Variants in ZNF367 observed in about 807,000 individuals in gnomAD.
ZNF367 encodes the protein zinc finger protein 367, also known as C2H2 zinc finger protein ZFF29.
A neutral mutation model predicts 31.8 loss-of-function variants in ZNF367; 11 were observed. The ratio of observed to expected loss-of-function variants is 0.35; its 90% CI spans 0.22 to 0.57. The LOEUF (loss-of-function observed/expected upper bound fraction) is 0.57, where lower values mean the gene tolerates loss of function less well. ZNF367 is among the 20% of genes least tolerant of loss of function. The pLI is 0.85. For synonymous variants in ZNF367, 199 were observed against 202.4 expected, an observed-to-expected ratio of 0.98 and a Z score of 0.14; for missense variants, 353 against 484.1, an observed-to-expected ratio of 0.73 and a Z score of 2.54.
At chr9:96,416,043 C>T (rs1831823351) in intron 1 of ZNF367, among the ~76,000 whole-genome samples, 1 of 151,238 alleles carries the variant, frequency 6.6e-6, no homozygotes, top group East Asian at 2.0e-4. Context: ...GGATCACAGG[C>T]ATGAGCCACC....
chr9:96,390,384 A>AT (rs1831458400), intron 4 of ZNF367, among the ~76,000 whole-genome samples: 1 of 152,224 alleles, frequency 6.6e-6, no homozygotes, highest in Non-Finnish European at 1.5e-5. Context: ...ATGGCAAAAG[A>AT]TAAGTTCAGC....
chr9:96,401,130 G>T (rs1207123375), intron 1 of ZNF367, among the ~76,000 whole-genome samples: 2 of 152,316 alleles, frequency 1.3e-5, no homozygotes, highest in South Asian at 4.1e-4. Flanking sequence ...GGAGGCTGAG[G>T]AAGGAGGATC....
chr9:96,396,602 A>C (rs1273015229), intron 2 of ZNF367, among the ~76,000 whole-genome samples: 1 of 152,196 alleles, frequency 6.6e-6, no homozygotes, highest in Non-Finnish European at 1.5e-5. Context: ...AGTACTGCCC[A>C]ATGAAAGACA....
intron 1 of ZNF367, among the ~76,000 whole-genome samples, chr9:96,410,574 A>AC (rs1407300333): frequency 6.1e-5 from 9 of 146,856 alleles, no homozygotes; most frequent in East Asian, 6.0e-4. Flanking sequence ...AAAAAAAAAA[A>AC]AAAAACAAAA....
rs1416499041 is a variant in ZNF367, at chr9:96,417,662, CCCGAGGCGGCGGCGGAGG to C, written c.353_370del (p.Ala118_Ser123del). On this transcript the variant is annotated inframe_deletion, in exon 1 of 5. Transcript: ENST00000375256. This position sits in a 1 kb window ranked among gnomAD's most constrained non-coding sequence, Gnocchi z 5.0. ...GCTCGCTTCCTCCTCGTCCTCACCT[CCCGAGGCGGCGGCGGAGG>C]CCGAGGCGGCGGGCGGGGGCGCGCC... is the stretch of plus-strand genomic sequence containing the variant. The C allele has an allele frequency of 2.0e-5, 20 of 1,012,542 alleles. No homozygotes were observed. Among genetic ancestry groups the C allele is most frequent in the South Asian group, 9.8e-5 (2 of 20,454 alleles). The allele number at this position is 1,012,542 out of a possible 1,614,324, so 62.7% of individuals were successfully genotyped here.
rs1358430392 is a variant in ZNF367, at chr9:96,418,288, A to G, written c.-256T>C. 1 of 449,596 alleles carries G rather than the reference A, an allele frequency of 2.2e-6. No individual in the cohort carries two copies. The allele number at this position is 449,596 out of a possible 1,614,324, so 27.9% of individuals were successfully genotyped here. ...AGCGCAGGCTGCAGGGGTGGGAAGC[A>G]GCGGGCGGCCCGGCCCTTGCGGTGA... On this transcript the variant is annotated 5_prime_UTR_variant, in exon 1 of 5. Transcript: ENST00000375256.
intron 2 of ZNF367, among the ~76,000 whole-genome samples, chr9:96,396,671 T>A (rs1012872245): frequency 1.0e-4 from 14 of 136,718 alleles, no homozygotes; most frequent in Admixed American, 7.1e-5. Flanking sequence ...GTGAAATAAA[T>A]TTTTTTTTTT....
chr9:96,389,613 T>G (rs753819081), intron 4 of ZNF367, among the ~76,000 whole-genome samples: 13 of 152,232 alleles, frequency 8.5e-5, no homozygotes, highest in Middle Eastern at 3.2e-3. Flanking sequence ...GGTGTCACAG[T>G]ATATACATGT....
chr9:96,403,329 C>T (rs956479871), intron 1 of ZNF367, among the ~76,000 whole-genome samples: 5 of 152,100 alleles, frequency 3.3e-5, no homozygotes. Flanking sequence ...AAGAAAATAC[C>T]TTGACACAAA....
At chr9:96,410,543 C>G (rs1322223009) in intron 1 of ZNF367, among the ~76,000 whole-genome samples, 1 of 112,580 alleles carries the variant, frequency 8.9e-6, no homozygotes, top group Admixed American at 1.2e-4. Flanking sequence ...GCCTGGGCAA[C>G]AGAGAGAGAC....
intron 1 of ZNF367, chr9:96,407,312 A>C (rs1831683190): frequency 6.4e-7 from 1 of 1,564,798 alleles, no homozygotes; most frequent in Non-Finnish European, 8.8e-7. Context: ...ATTGAATTAC[A>C]CCGTAAACGC....
At chr9:96,407,570 G>C (rs1831686889) in intron 1 of ZNF367, 5 of 1,424,216 alleles carry the variant, frequency 3.5e-6, no homozygotes, top group Non-Finnish European at 5.0e-6. Context: ...GACAGAGAGG[G>C]ACAATCTCGA....
intron 1 of ZNF367, among the ~76,000 whole-genome samples, chr9:96,403,605 T>C (rs1831636284): frequency 6.6e-6 from 1 of 152,100 alleles, no homozygotes; most frequent in East Asian, 1.9e-4. Context: ...CTTCCCAATT[T>C]CAAAACTTAC....
chr9:96,411,149 A>G (rs1307529646), intron 1 of ZNF367, among the ~76,000 whole-genome samples: 1 of 140,902 alleles, frequency 7.1e-6, no homozygotes, highest in Non-Finnish European at 1.5e-5. Flanking sequence ...GCGCCACTGT[A>G]CTCCAGCCTG....
intron 2 of ZNF367, 52 bp downstream of exon 2, chr9:96,398,112 A>G: frequency 9.9e-7 from 1 of 1,007,434 alleles, no homozygotes. Context: ...AAAAAAAAAA[A>G]AAAAAAAAAA....
At chr9:96,398,138 G>A (rs1831557690) in intron 2 of ZNF367, 26 bp downstream of exon 2, 2 of 722,000 alleles carry the variant, frequency 2.8e-6, no homozygotes, top group South Asian at 1.9e-5. Flanking sequence ...ACTTCTGGCA[G>A]TCTCTATAAA....
intron 3 of ZNF367, among the ~76,000 whole-genome samples, chr9:96,394,358 G>A (rs1286895976): frequency 1.3e-5 from 2 of 152,180 alleles, no homozygotes; most frequent in East Asian, 3.8e-4. Flanking sequence ...TGGGGGATGA[G>A]GGGCAGGTAA....
At chr9:96,389,494 T>G (rs1831443647) in intron 4 of ZNF367, among the ~76,000 whole-genome samples, 1 of 149,908 alleles carries the variant, frequency 6.7e-6, no homozygotes, top group Non-Finnish European at 1.5e-5. Flanking sequence ...AGCAGATCAG[T>G]GTTGTATGGG....
chr9:96,398,451 G>A, intron 1 of ZNF367, 137 bp from the exon 2 acceptor site: 1 of 660,984 alleles, frequency 1.5e-6, no homozygotes, highest in East Asian at 2.8e-5. Context: ...AGCTATTTAG[G>A]AGGCTGAGGT....
Sources: allele counts gnomAD v4.1 joint callset (sites outside exome capture counted in the v4.1 genomes callset), GRCh38; gene constraint gnomAD v4.1.1; non-coding constraint Gnocchi (gnomAD v3.1); transcripts MANE v1.5; gene names NCBI Gene and HGNC (gene_info 2026-07-23, HGNC 2026-07-21).